Variants in ETFDH observed in about 807,000 individuals in gnomAD.
ETFDH encodes electron transfer flavoprotein dehydrogenase.
Under a neutral mutation model 73.2 loss-of-function variants are expected in ETFDH, and 61 were observed. The observed-to-expected ratio is 0.83, with a 90% CI of 0.68 to 1.03. ETFDH has a LOEUF of 1.03. ETFDH is among the 50% of genes least tolerant of loss of function. ETFDH has a pLI of 0.00. For synonymous variants in ETFDH, 243 were observed against 253.3 expected, an observed-to-expected ratio of 0.96 and a Z score of 0.39; for missense variants, 685 against 745.0, an observed-to-expected ratio of 0.92 and a Z score of 0.94.
intron 5 of ETFDH, 150 bp from the exon 6 acceptor site, chr4:158,690,196 ATG>A (rs1774126761): frequency 3.2e-6 from 2 of 619,622 alleles, no homozygotes; most frequent in East Asian, 5.6e-5. Flanking sequence ...ACCTTAATAC[ATG>A]TCTCTTTATT....
chr4:158,681,866 T>C, intron 2 of ETFDH: 1 of 360,674 alleles, frequency 2.8e-6, no homozygotes, highest in South Asian at 2.4e-5. Flanking sequence ...AAGGGCAAAA[T>C]TGCCTAACGA....
At chr4:158,683,099 C>A (rs771662293) in intron 3 of ETFDH, among the ~76,000 whole-genome samples, 3 of 152,102 alleles carry the variant, frequency 2.0e-5, no homozygotes, top group Non-Finnish European at 4.4e-5. Context: ...AATGCAATAT[C>A]TAAAGCCAAA....
At chr4:158,676,933 C>A (rs987124828) in intron 1 of ETFDH, among the ~76,000 whole-genome samples, 2 of 152,054 alleles carry the variant, frequency 1.3e-5, no homozygotes, top group African/African-American at 4.8e-5. Flanking sequence ...TATAAGAGTT[C>A]TTTCTGTATT....
In ETFDH at chr4:158,690,426, G is replaced by A; in HGVS notation, c.684+1G>A. The A allele has an allele frequency of 1.9e-6, 3 of 1,539,866 alleles. No individual in the cohort carries two copies. The highest frequency in any genetic ancestry group is 2.7e-6 in the Non-Finnish European group (3 of 1,112,464). ...GATACAAAAGGATGGTGCACCAAAG[G>A]TAAACCTTTTTAATAGTTACGTGCT... On this transcript the variant is annotated splice_donor_variant, in intron 6 of 12. Transcript: ENST00000511912. LOFTEE classifies it high-confidence loss of function.
chr4:158,706,571 TAAGAAA>T (rs1472519833), intron 11 of ETFDH, 52 bp from the exon 12 acceptor site: 14 of 1,428,672 alleles, frequency 9.8e-6, no homozygotes, highest in South Asian at 4.6e-5. Flanking sequence ...CAAATAGGCT[TAAGAAA>T]AAGTACTTCA....
At chr4:158,674,292 C>T (rs953314671) in intron 1 of ETFDH, among the ~76,000 whole-genome samples, 2 of 151,626 alleles carry the variant, frequency 1.3e-5, no homozygotes, top group Non-Finnish European at 2.9e-5. Flanking sequence ...AAAAGTGTTG[C>T]CAATATAGTT....
rs924962456 is a variant in ETFDH, at chr4:158,680,571, A to G, written c.139A>G (p.Thr47Ala). The stretch of plus-strand genomic sequence containing the variant: ...TGTGCCTCGAATTACTACCCATTAT[A>G]CTATTTATCCCCGGGATAAGGACAA... ...STVPRITTHY[T>A]IYPRDKDKRW... is the part of the protein sequence containing the mutation. Residue 47 changes from threonine to alanine, a missense_variant, in exon 2 of 13, where the codon ACT becomes GCT. By Grantham distance (58) the Thr-to-Ala change is moderately conservative. Transcript: ENST00000511912. The G allele has an allele frequency of 1.9e-6, 3 of 1,609,532 alleles. No homozygotes were observed. The highest frequency in any genetic ancestry group is 2.6e-6 in the Non-Finnish European group (3 of 1,175,934).
chr4:158,683,850 A>G (rs1307994593), intron 3 of ETFDH, among the ~76,000 whole-genome samples: 18 of 152,168 alleles, frequency 1.2e-4, no homozygotes. Context: ...GAGCCACCAC[A>G]CAGACTTTGG....
Position 158,708,411 on chromosome 4 carries a change from C to T in ETFDH, c.1738C>T (p.Gln580Ter), listed in dbSNP as rs764957250. 1 of 1,611,558 alleles carries T rather than the reference C, an allele frequency of 6.2e-7. No individual in the cohort carries two copies. Among genetic ancestry groups the T allele is most frequent in the Non-Finnish European group, 8.5e-7 (1 of 1,177,760 alleles). Reference protein sequence around the residue: ...PVEQGDGFRLQINAQNCVHCK... With the variant: ...PVEQGDGFRL ...GGAACAAGGTGATGGATTTCGGTTA[C>T]AGATAAATGCTCAGAACTGTGTACA... The change falls in exon 13 of 13, where the codon CAG becomes TAG. Residue 580 changes from glutamine to a stop codon, truncating the protein, a stop_gained. Transcript: ENST00000511912. LOFTEE classifies it high-confidence loss of function.
chr4:158,679,821 C>T (rs1301448498), intron 1 of ETFDH: 1 of 151,854 alleles, frequency 6.6e-6, no homozygotes, highest in Non-Finnish European at 1.5e-5. Context: ...CCTATGATCC[C>T]AGCAATTTTA....
chr4:158,697,379 G>C (rs1039513214), intron 7 of ETFDH, among the ~76,000 whole-genome samples, 180 bp from the exon 8 acceptor site: 1 of 152,152 alleles, frequency 6.6e-6, no homozygotes, highest in African/African-American at 2.4e-5. Flanking sequence ...GCAGGCGTGA[G>C]CCACCGTGCC....
At chr4:158,679,495 G>C (rs1773790787) in intron 1 of ETFDH, 2 of 152,256 alleles carry the variant, frequency 1.3e-5, no homozygotes, top group South Asian at 4.1e-4. Context: ...CATCTCTTCT[G>C]CTATAAACTG....
At chr4:158,688,501 G>T (rs868221645) in intron 5 of ETFDH, among the ~76,000 whole-genome samples, 22 of 150,664 alleles carry the variant, frequency 1.5e-4, no homozygotes, top group African/African-American at 5.1e-4. Context: ...GGGAAACCCT[G>T]TCTCTACTAA....
Position 158,686,837 on chromosome 4 carries a change from C to G in ETFDH, c.606+1618C>G, listed in dbSNP as rs567461675. ...GGCTGAGTGCCAAGGTAAGACTTCC[C>G]CCTCACCCTCTGAAGGTTCATAGAA... is the stretch of plus-strand genomic sequence containing the variant. On this transcript the variant is annotated intron_variant, in intron 5 of 12. Coordinates refer to ENST00000511912, the MANE Select transcript of ETFDH (RefSeq NM_004453.4). Among the ~76,000 whole-genome samples, 6 of 152,226 alleles carry G rather than the reference C, an allele frequency of 3.9e-5. No individual in the cohort carries two copies. In the South Asian group the frequency reaches 1.0e-3, roughly 26 times the overall value.
intron 1 of ETFDH, among the ~76,000 whole-genome samples, chr4:158,676,087 C>G (rs1313933870): frequency 6.6e-6 from 1 of 152,154 alleles, no homozygotes; most frequent in Non-Finnish European, 1.5e-5. Flanking sequence ...GAGTTTAATT[C>G]ACACAGAGGC....
intron 5 of ETFDH, among the ~76,000 whole-genome samples, chr4:158,690,041 A>G (rs1774122390): frequency 6.6e-6 from 1 of 152,092 alleles, no homozygotes; most frequent in Admixed American, 6.5e-5. Flanking sequence ...ACGATTTGAC[A>G]TCTGAAGGGC....
chr4:158,672,858 C>T (rs575010135), intron 1 of ETFDH, among the ~76,000 whole-genome samples: 1 of 152,272 alleles, frequency 6.6e-6, no homozygotes, highest in South Asian at 2.1e-4. Flanking sequence ...CGTATTTGCC[C>T]AGTTTTTCTC....
rs774158161 is a variant in ETFDH, at chr4:158,685,149, T to G, written c.536T>G (p.Leu179Ter). The G allele has an allele frequency of 6.2e-7, 1 of 1,613,056 alleles. No homozygotes were observed. Residue 179 changes from leucine to a stop codon, truncating the protein, a stop_gained, in exon 5 of 13, where the codon TTA (leucine) becomes TGA (stop). Transcript: ENST00000511912. LOFTEE classifies it high-confidence loss of function. ...AATTACATTGTACGCTTGGGACATT[T>G]AGTGAGCTGGATGGGCGAACAAGCA... ...HGNYIVRLGH[L>*]VSWMGEQAEA...
At position 158,682,164 on chromosome 4, in the gene ETFDH, A is replaced by G. The variant is rs376044013; in HGVS notation, c.176-31A>G. 19 of 1,610,838 alleles carry G rather than the reference A, an allele frequency of 1.2e-5. No individual in the cohort carries two copies. The African/African-American group carries it at 2.3e-4, about 19-fold the overall frequency. ...TGATTTATCATGTGATTATTGGGTT[A>G]TATTAATCCCAGAATTTTTATTTCT... On this transcript the variant is annotated intron_variant, in intron 2 of 12. Coordinates refer to ENST00000511912, the MANE Select transcript of ETFDH (RefSeq NM_004453.4).
Sources: allele counts gnomAD v4.1 joint callset (sites outside exome capture counted in the v4.1 genomes callset), GRCh38; gene constraint gnomAD v4.1.1; transcripts MANE v1.5; gene names NCBI Gene and HGNC (gene_info 2026-07-23, HGNC 2026-07-21).